Variants in TARS3 observed in about 807,000 individuals in gnomAD.
TARS3 encodes threonine--tRNA ligase 2, cytoplasmic.
In TARS3, 94 loss-of-function variants were observed where a neutral mutation model predicts 103.5. The observed-to-expected ratio is 0.91, with a 90% CI of 0.77 to 1.08. TARS3 has a LOEUF of 1.08. TARS3 is among the 50% of genes least tolerant of loss of function. TARS3 has a pLI of 0.00. For missense variants in TARS3, 952 were observed against 995.2 expected, an observed-to-expected ratio of 0.96 and a Z score of 0.58; for synonymous variants, 416 against 355.4, an observed-to-expected ratio of 1.17 and a Z score of -1.92.
chr15:101,700,191 A>G (rs1483682185), intron 10 of TARS3, among the ~76,000 whole-genome samples: 4 of 152,378 alleles, frequency 2.6e-5, no homozygotes, highest in Admixed American at 2.6e-4. Context: ...AAGACAAAAC[A>G]GTGCAAGCAT....
At chr15:101,656,798 T>C in intron 18 of TARS3, 124 bp downstream of exon 18, 2 of 642,344 alleles carry the variant, frequency 3.1e-6, no homozygotes, top group Non-Finnish European at 5.4e-6. Flanking sequence ...ACTCTTCCTT[T>C]TGTGTAAGTA....
chr15:101,721,587 T>C (rs1476183330), intron 2 of TARS3, among the ~76,000 whole-genome samples: 1 of 152,146 alleles, frequency 6.6e-6, no homozygotes. Context: ...CTCTGTCTCC[T>C]AGGTTCAAGC....
chr15:101,679,670 G>A (rs994519096), intron 12 of TARS3, among the ~76,000 whole-genome samples: 1 of 152,076 alleles, frequency 6.6e-6, no homozygotes, highest in African/African-American at 2.4e-5. Flanking sequence ...GATTTTTCTT[G>A]TTCTTAGCAT....
In TARS3 at chr15:101,705,735, T is replaced by G; in HGVS notation, c.943A>C (p.Lys315Gln). Residue 315 changes from lysine (K) to glutamine (Q), a missense_variant, in exon 7 of 19, where the codon AAA becomes CAA. Physicochemically the swap from Lys to Gln is moderately conservative, Grantham distance 53 (BLOSUM62 1). Coordinates refer to ENST00000335968, the MANE Select transcript of TARS3 (RefSeq NM_152334.3). ...LLEMFKYNKF[K>Q]CRILNEKVNT... ...ACTTTCTCATTCAGAATGCGGCATTTAAATTTATTGTACTACGAAGAAAAA... is the reference window on the plus strand; with the variant it reads ...ACTTTCTCATTCAGAATGCGGCATTGAAATTTATTGTACTACGAAGAAAAA... The G allele has an allele frequency of 6.2e-7, 1 of 1,609,032 alleles. No individual in the cohort carries two copies. Among genetic ancestry groups the G allele is most frequent in the Non-Finnish European group, 8.5e-7 (1 of 1,176,764 alleles).
intron 10 of TARS3, chr15:101,699,208 T>C (rs895789984): frequency 7.7e-5 from 20 of 260,300 alleles, no homozygotes; most frequent in Middle Eastern, 1.2e-3. Context: ...AAAGGTTTTT[T>C]TCATGGTAAG....
intron 10 of TARS3, among the ~76,000 whole-genome samples, chr15:101,694,666 T>C (rs1898881522): frequency 6.6e-6 from 1 of 152,182 alleles, no homozygotes; most frequent in African/African-American, 2.4e-5. Context: ...AGCAACGTAC[T>C]TTAAATATAG....
chr15:101,664,216 T>G (rs929566888), intron 15 of TARS3: 1 of 152,458 alleles, frequency 6.6e-6, no homozygotes, highest in Admixed American at 6.5e-5. Flanking sequence ...TACTCGCCAT[T>G]TGCCACACAA....
Position 101,703,919 on chromosome 15 carries a change from G to A in TARS3, c.1014C>T (p.Asp338=). 6.2e-7 allele frequency: 1 copy of A among 1,612,788 alleles called. No homozygotes were observed. The highest frequency in any genetic ancestry group is 8.5e-7 in the Non-Finnish European group (1 of 1,179,082). ...GTCTTACATGTGGACCTTTGCAAAGGTCAATTAATGGACCGCACCTATAAT... is the reference window on the plus strand; with the variant it reads ...GTCTTACATGTGGACCTTTGCAAAGATCAATTAATGGACCGCACCTATAAT... The part of the protein sequence containing the change: ...TTVYRCGPLI[D]LCKGPHVRHT... The change falls in exon 8 of 19, where the codon GAC becomes GAT. Residue 338 remains aspartate (D), a synonymous_variant. Coordinates refer to ENST00000335968, the MANE Select transcript of TARS3 (RefSeq NM_152334.3).
At chr15:101,672,640 C>T (rs1212888156) in intron 13 of TARS3, among the ~76,000 whole-genome samples, 1 of 152,054 alleles carries the variant, frequency 6.6e-6, no homozygotes, top group East Asian at 1.9e-4. Flanking sequence ...GGCAGCCTTT[C>T]CCAGGACCTC....
chr15:101,667,350 G>A (rs1314245952), intron 15 of TARS3, among the ~76,000 whole-genome samples: 1 of 152,164 alleles, frequency 6.6e-6, no homozygotes, highest in Non-Finnish European at 1.5e-5. Context: ...AAGAGGGTGA[G>A]CCTCTCTTTT....
chr15:101,701,610 A>C (rs559232840), intron 9 of TARS3, among the ~76,000 whole-genome samples: 2 of 152,320 alleles, frequency 1.3e-5, no homozygotes, highest in South Asian at 4.1e-4. Flanking sequence ...CTACCCAGCA[A>C]GGAAGACAAG....
At chr15:101,664,897 G>C (rs1375439212) in intron 15 of TARS3, among the ~76,000 whole-genome samples, 4 of 151,642 alleles carry the variant, frequency 2.6e-5, no homozygotes, top group Admixed American at 6.6e-5. Flanking sequence ...AAAGACCAAA[G>C]TCTCAGGAAG....
chr15:101,667,746 T>C (rs149683560), intron 15 of TARS3, among the ~76,000 whole-genome samples: 1 of 152,042 alleles, frequency 6.6e-6, no homozygotes, highest in East Asian at 1.9e-4. Flanking sequence ...AATTTTTTTA[T>C]TTTTATTTTT....
intron 3 of TARS3, among the ~76,000 whole-genome samples, chr15:101,718,514 C>T (rs113076592): frequency 0.015 from 2,263 of 152,158 alleles, 47 homozygotes; most frequent in African/African-American, 0.052. Flanking sequence ...AGTTCAGAAA[C>T]GTGGAGCTAT....
intron 10 of TARS3, 143 bp downstream of exon 10, chr15:101,700,943 G>A (rs1274188352): frequency 5.2e-6 from 3 of 572,194 alleles, no homozygotes; most frequent in East Asian, 3.2e-5. Flanking sequence ...TGTCTGGCCA[G>A]TATCTCACTT....
intron 15 of TARS3, among the ~76,000 whole-genome samples, chr15:101,662,154 C>A (rs1461601819): frequency 6.6e-6 from 1 of 152,168 alleles, no homozygotes; most frequent in Admixed American, 6.5e-5. Context: ...CTATCTCCCA[C>A]ATTATAATCT....
chr15:101,688,157 T>G (rs1898555142), intron 10 of TARS3, among the ~76,000 whole-genome samples: 1 of 152,178 alleles, frequency 6.6e-6, no homozygotes, highest in African/African-American at 2.4e-5. Context: ...ATACATATTG[T>G]TTTGTCTCTC....
chr15:101,665,133 G>T (rs1358380398), intron 15 of TARS3, among the ~76,000 whole-genome samples: 1 of 152,196 alleles, frequency 6.6e-6, no homozygotes, highest in African/African-American at 2.4e-5. Flanking sequence ...CTAATATTCA[G>T]GTCACCTGCG....
chr15:101,707,883 T>G (rs948131679), intron 6 of TARS3, among the ~76,000 whole-genome samples: 3 of 149,350 alleles, frequency 2.0e-5, no homozygotes, highest in Non-Finnish European at 4.4e-5. Flanking sequence ...AATACTGCAA[T>G]TTTTTACCAA....
Sources: allele counts gnomAD v4.1 joint callset (sites outside exome capture counted in the v4.1 genomes callset), GRCh38; gene constraint gnomAD v4.1.1; transcripts MANE v1.5; gene names NCBI Gene and HGNC (gene_info 2026-07-23, HGNC 2026-07-21).